Variants in RALY observed in about 807,000 individuals in gnomAD.
RALY encodes RNA-binding protein Raly.
Under a neutral mutation model 30.7 loss-of-function variants are expected in RALY, and 15 were observed. The ratio of observed to expected loss-of-function variants is 0.49; its 90% CI spans 0.33 to 0.75. RALY has a LOEUF of 0.75. RALY is among the 30% of genes least tolerant of loss of function. The pLI, the probability that RALY is intolerant of heterozygous loss-of-function variation, is 0.02. For missense variants in RALY, 339 were observed against 414.3 expected, an observed-to-expected ratio of 0.82 and a Z score of 1.58; for synonymous variants, 177 against 170.8, an observed-to-expected ratio of 1.04 and a Z score of -0.28.
At chr20:34,007,920 A>G (rs1323001133) in intron 1 of RALY, among the ~76,000 whole-genome samples, 1 of 151,884 alleles carries the variant, frequency 6.6e-6, no homozygotes, top group Non-Finnish European at 1.5e-5. Flanking sequence ...TGTGGATAAT[A>G]CCCATATGAG....
At chr20:34,059,453 G>A (rs773134131) in intron 2 of RALY, among the ~76,000 whole-genome samples, 6 of 152,148 alleles carry the variant, frequency 3.9e-5, no homozygotes, top group Admixed American at 6.5e-5. Flanking sequence ...CTATGCTTAC[G>A]TGGCACATGT....
intron 2 of RALY, among the ~76,000 whole-genome samples, chr20:34,044,866 A>T (rs2032825492): frequency 6.6e-6 from 1 of 152,168 alleles, no homozygotes; most frequent in Non-Finnish European, 1.5e-5. Flanking sequence ...TGCCCATAGA[A>T]CTGGGATACA....
intron 6 of RALY, 77 bp downstream of exon 6, chr20:34,076,117 T>C (rs2033870482): frequency 1.3e-6 from 2 of 1,494,356 alleles, no homozygotes; most frequent in Admixed American, 1.9e-5. Flanking sequence ...TTTTTTACAT[T>C]GGAACATAGA....
chr20:34,014,534 C>T (rs958692932), intron 1 of RALY, among the ~76,000 whole-genome samples: 10 of 151,976 alleles, frequency 6.6e-5, no homozygotes, highest in Non-Finnish European at 1.3e-4. Context: ...TGAAATAATG[C>T]ATTTAAATTT....
At chr20:34,074,785 T>G (rs1475513204) in intron 5 of RALY, among the ~76,000 whole-genome samples, 1 of 152,166 alleles carries the variant, frequency 6.6e-6, no homozygotes, top group East Asian at 1.9e-4. Flanking sequence ...GCCAGAGCCG[T>G]TCCCTCCCCT....
intron 2 of RALY, among the ~76,000 whole-genome samples, chr20:34,037,436 G>A (rs188535900): frequency 6.6e-6 from 1 of 152,312 alleles, no homozygotes; most frequent in African/African-American, 2.4e-5. Context: ...AGGCTTCACA[G>A]TGGCTTTTGG....
intron 2 of RALY, among the ~76,000 whole-genome samples, chr20:34,040,883 G>A (rs1052494072): frequency 2.0e-5 from 3 of 152,164 alleles, no homozygotes; most frequent in African/African-American, 7.2e-5. Flanking sequence ...GTATCATACT[G>A]CCTCCCTGTC....
chr20:34,034,868 C>T (rs140874181), intron 2 of RALY, among the ~76,000 whole-genome samples: 1 of 152,082 alleles, frequency 6.6e-6, no homozygotes, highest in Non-Finnish European at 1.5e-5. Flanking sequence ...AAACAACAGT[C>T]TGGGCCGGGT....
chr20:34,056,234 A>G (rs1453190732), intron 2 of RALY, among the ~76,000 whole-genome samples: 1 of 152,208 alleles, frequency 6.6e-6, no homozygotes, highest in Non-Finnish European at 1.5e-5. Context: ...AAACTTCTGT[A>G]ACTTTCCTTA....
intron 2 of RALY, among the ~76,000 whole-genome samples, chr20:34,032,733 G>T (rs1331917073): frequency 6.6e-6 from 1 of 151,976 alleles, no homozygotes; most frequent in South Asian, 2.1e-4. Flanking sequence ...TTTACACCTG[G>T]GAATCTATAA....
At chr20:34,069,931 A>C (rs564304457) in intron 2 of RALY, among the ~76,000 whole-genome samples, 11 of 152,224 alleles carry the variant, frequency 7.2e-5, no homozygotes, top group Non-Finnish European at 1.3e-4. Context: ...ACTCTAGTAT[A>C]TCCATTGGGT....
At chr20:34,077,526 C>T (rs2033927328) in intron 8 of RALY, 3 of 578,284 alleles carry the variant, frequency 5.2e-6, no homozygotes, top group Middle Eastern at 4.9e-4. Context: ...ATGGGAGATT[C>T]GGACATAAGG....
intron 3 of RALY, 47 bp from the exon 4 acceptor site, chr20:34,073,516 C>G: frequency 1.3e-6 from 2 of 1,501,708 alleles, no homozygotes; most frequent in Non-Finnish European, 9.3e-7. Flanking sequence ...TGTGTGTGGG[C>G]ACACTGTCAT....
At chr20:34,050,747 A>G (rs374741714) in intron 2 of RALY, among the ~76,000 whole-genome samples, 31 of 152,348 alleles carry the variant, frequency 2.0e-4, no homozygotes, top group Middle Eastern at 3.4e-3. Context: ...TCTGCTGTCC[A>G]AATGACCCTT....
intron 8 of RALY, 49 bp from the exon 9 acceptor site, chr20:34,078,456 A>C: frequency 2.7e-6 from 4 of 1,497,904 alleles, no homozygotes; most frequent in South Asian, 1.4e-5. Flanking sequence ...GGCAGGACTC[A>C]GAGCTGGCAA....
intron 1 of RALY, among the ~76,000 whole-genome samples, chr20:34,019,344 G>C (rs2031729430): frequency 1.3e-5 from 2 of 151,738 alleles, no homozygotes; most frequent in Non-Finnish European, 2.9e-5. Flanking sequence ...AAAAAAAAAG[G>C]ATCCTTCTGC....
At chr20:34,061,120 A>T (rs1011503762) in intron 2 of RALY, among the ~76,000 whole-genome samples, 1 of 152,180 alleles carries the variant, frequency 6.6e-6, no homozygotes, top group South Asian at 2.1e-4. Context: ...TTGTCAAAGT[A>T]TGGAGAGAGG....
At chr20:34,010,224 A>G (rs911286258) in intron 1 of RALY, among the ~76,000 whole-genome samples, 3 of 152,112 alleles carry the variant, frequency 2.0e-5, no homozygotes, top group African/African-American at 7.2e-5. Context: ...CGTTTTACTT[A>G]TGAGTTGGTA....
intron 2 of RALY, among the ~76,000 whole-genome samples, chr20:34,063,069 C>T (rs367619544): frequency 5.9e-5 from 9 of 152,208 alleles, no homozygotes; most frequent in African/African-American, 2.2e-4. Flanking sequence ...TCTGGTCTCG[C>T]ACATATTCAT....
Sources: gnomAD v4.1 joint callset for allele counts (sites outside exome capture counted in the v4.1 genomes callset) on GRCh38, gnomAD v4.1.1 for gene constraint, MANE v1.5 for transcripts, NCBI Gene and HGNC (gene_info 2026-07-23, HGNC 2026-07-21) for gene names.